ACTR1A: variants seen among roughly 807,000 people sequenced by gnomAD.
ACTR1A encodes the protein alpha-centractin.
Under a neutral mutation model 50.7 loss-of-function variants are expected in ACTR1A, and 10 were observed. That is an observed-to-expected ratio of 0.20 (90% CI 0.12 to 0.33). The LOEUF is 0.33. ACTR1A is among the 10% of genes least tolerant of loss of function. ACTR1A has a pLI of 1.00. For missense variants in ACTR1A, 253 were observed against 491.7 expected (o/e 0.51, Z 4.59); for synonymous variants, 177 against 184.2 (o/e 0.96, Z 0.32).
intron 6 of ACTR1A, 84 bp from the exon 7 acceptor site, chr10:102,483,187 C>T: frequency 2.9e-6 from 3 of 1,042,244 alleles, no homozygotes; most frequent in Non-Finnish European, 4.5e-6. Context: ...TGTGCTGCTG[C>T]ACAAACCTGT....
intron 2 of ACTR1A, among the ~76,000 whole-genome samples, chr10:102,489,839 A>G (rs2062183836): frequency 6.6e-6 from 1 of 150,418 alleles, no homozygotes; most frequent in African/African-American, 2.5e-5. Context: ...CTGTGATGCT[A>G]TAGATCGGAC....
rs1168411503 is a variant in ACTR1A, at chr10:102,502,110, G to A, written c.48+490C>T. Among the ~76,000 whole-genome samples the A allele has an allele frequency of 2.0e-5, 3 of 152,304 alleles. No homozygotes were observed. In the East Asian group the frequency reaches 5.8e-4, roughly 29 times the overall value. On this transcript the variant is annotated intron_variant, in intron 1 of 10. Transcript: ENST00000369905. ...GGCCCCACCACCCAGAGTCCCGGAA[G>A]CCAATCCCCACAGCCCTGGAGCACT...
chr10:102,485,690 T>C lies in ACTR1A; in HGVS notation c.359A>G (p.Asn120Ser). 6.2e-7 allele frequency: 1 copy of C among 1,613,982 alleles called. No individual in the cohort carries two copies. Among genetic ancestry groups the C allele is most frequent in the East Asian group, 2.2e-5 (1 of 44,884 alleles). ...GAAAACTTCGGCAGCTCGTTCCCGG[T>C]TTTTTCGTGGGTTTAAAGGCGCCTC... ...LTEAPLNPRK[N>S]RERAAEVFFE... is the part of the protein sequence containing the mutation. The change falls in exon 5 of 11, where the codon AAC becomes AGC. Residue 120 changes from asparagine (N) to serine (S), a missense_variant. Coordinates refer to ENST00000369905, the MANE Select transcript of ACTR1A (RefSeq NM_005736.4).
At chr10:102,501,642 G>C (rs1466564910) in intron 1 of ACTR1A, among the ~76,000 whole-genome samples, 7 of 152,230 alleles carry the variant, frequency 4.6e-5, no homozygotes. Context: ...GACGGATAAA[G>C]TACTGGATTT....
rs968687001 is a variant in ACTR1A at position 102,497,171 on chromosome 10, GAAAAAAAAAAAA to G, written c.48+5417_48+5428del. ...GGCCACACAGCAGACTCCATCTCAG[GAAAAAAAAAAAA>G]AAAAAAAAAAGAATGTGGGAGAGGG... On this transcript the variant is annotated intron_variant, in intron 1 of 10. Coordinates refer to ENST00000369905, the MANE Select transcript of ACTR1A (RefSeq NM_005736.4). Among the ~76,000 whole-genome samples the G allele has an allele frequency of 5.7e-5, 4 of 69,774 alleles. No individual in the cohort carries two copies. The East Asian group carries it at 1.6e-3, about 28-fold the overall frequency. 45.8% of individuals were successfully genotyped at this position (69,774 alleles called of 152,430 possible). A position where few individuals can be genotyped will look rare whatever the true frequency, so the allele number is the denominator to read the frequency against.
chr10:102,498,682 A>G (rs2062233717), intron 1 of ACTR1A, among the ~76,000 whole-genome samples: 1 of 151,404 alleles, frequency 6.6e-6, no homozygotes, highest in African/African-American at 2.4e-5. Context: ...TATGTTGCCC[A>G]GGCTGGTCTC....
intron 1 of ACTR1A, among the ~76,000 whole-genome samples, chr10:102,491,417 G>T (rs1044867336): frequency 2.6e-5 from 4 of 152,188 alleles, no homozygotes; most frequent in Non-Finnish European, 5.9e-5. Context: ...GCTTGAAATG[G>T]ACTCCCATGG....
At chr10:102,483,435 C>T (rs1429484667) in intron 6 of ACTR1A, 2 of 231,660 alleles carry the variant, frequency 8.6e-6, no homozygotes, top group Non-Finnish European at 1.7e-5. Context: ...CTGGTCCTAC[C>T]CAGCTCGAGT....
intron 9 of ACTR1A, 26 bp downstream of exon 9, chr10:102,481,811 C>T: frequency 1.2e-6 from 2 of 1,611,538 alleles, no homozygotes; most frequent in South Asian, 2.2e-5. Context: ...TAGTTCCACC[C>T]AGGCCAGGCC....
At chr10:102,494,803 AATTTT>A (rs2062212384) in intron 1 of ACTR1A, among the ~76,000 whole-genome samples, 1 of 151,754 alleles carries the variant, frequency 6.6e-6, no homozygotes, top group African/African-American at 2.4e-5. Flanking sequence ...ACAAAATATT[AATTTT>A]AATTTTAATT....
chr10:102,481,788 G>C, intron 9 of ACTR1A, 49 bp downstream of exon 9: 1 of 1,603,456 alleles, frequency 6.2e-7, no homozygotes, highest in Non-Finnish European at 8.5e-7. Flanking sequence ...GTGGCACTCT[G>C]TCCATGGAAG....
At position 102,488,424 on chromosome 10, in the gene ACTR1A, T is replaced by C; in HGVS notation, c.190-149A>G. On this transcript the variant is annotated intron_variant, in intron 3 of 10. Coordinates refer to ENST00000369905, the MANE Select transcript of ACTR1A (RefSeq NM_005736.4). This position sits in a 1 kb window ranked among gnomAD's most constrained non-coding sequence, Gnocchi z 4.4. ...TGCTGTCCTTGCCCAGGGCTAAGGG[T>C]GGGCACTCATTCTCCAAGGCTAAAT... The C allele has an allele frequency of 8.8e-7, 1 of 1,142,376 alleles. No homozygotes were observed. The highest frequency in any genetic ancestry group is 1.2e-6 in the Non-Finnish European group (1 of 810,886). The allele number at this position is 1,142,376 out of a possible 1,614,324, so 70.8% of individuals were successfully genotyped here.
At chr10:102,489,844 T>TCGGACAGATAGCCTCTTCCTTTCC (rs2062183876) in intron 2 of ACTR1A, among the ~76,000 whole-genome samples, 1 of 148,142 alleles carries the variant, frequency 6.8e-6, no homozygotes, top group African/African-American at 2.5e-5. Context: ...ATGCTATAGA[T>TCGGACAGATAGCCTCTTCCTTTCC]CGGACAGATA....
In ACTR1A at chr10:102,489,120, G is replaced by A. The variant is rs201926941; in HGVS notation, c.132C>T (p.His44=). ...CAAGGGCTCCTGCCATGACACGAAC[G>A]TGCTTGGGTCGGCCCACACTAGAAA... The part of the protein sequence containing the change: ...CFPNYVGRPK[H]VRVMAGALEG... The change falls in exon 3 of 11, where the codon CAC becomes CAT. Residue 44 remains histidine, a synonymous_variant. Coordinates refer to ENST00000369905, the MANE Select transcript of ACTR1A (RefSeq NM_005736.4). The A allele has an allele frequency of 9.8e-5, 155 of 1,586,924 alleles. 1 individual carries two copies. In the African/African-American group the frequency reaches 1.4e-3, roughly 14 times the overall value.
intron 6 of ACTR1A, 83 bp from the exon 7 acceptor site, chr10:102,483,186 G>T: frequency 9.6e-7 from 1 of 1,041,658 alleles, no homozygotes; most frequent in Non-Finnish European, 1.5e-6. Context: ...ATGTGCTGCT[G>T]CACAAACCTG....
Position 102,479,793 on chromosome 10 carries a change from G to A in ACTR1A, c.*1070C>T, listed in dbSNP as rs891537159. On this transcript the variant is annotated 3_prime_UTR_variant, in exon 11 of 11. Coordinates refer to ENST00000369905, the MANE Select transcript of ACTR1A (RefSeq NM_005736.4). This position sits in a 1 kb window ranked among gnomAD's most constrained non-coding sequence, Gnocchi z 4.0. ...TCCAACACCCCTCCCTTGCTTAGGG[G>A]CCTCTGCCAAAGAAAAATTTTACCT... 9 of 774,832 alleles carry A rather than the reference G, an allele frequency of 1.2e-5. No homozygotes were observed. The highest frequency in any genetic ancestry group is 1.8e-6 in the Non-Finnish European group (1 of 565,818). 48.0% of individuals were successfully genotyped at this position (774,832 alleles called of 1,614,324 possible).
chr10:102,482,935 C>G lies in ACTR1A; in HGVS notation c.750+76G>C, dbSNP rs961179004. 8.0e-7 allele frequency: 1 copy of G among 1,242,396 alleles called. No homozygotes were observed. Among genetic ancestry groups the G allele is most frequent in the South Asian group, 1.2e-5 (1 of 83,224 alleles). The allele number at this position is 1,242,396 out of a possible 1,614,324, so 77.0% of individuals were successfully genotyped here. ...GGGACTGGCCTGCCAGACTCCAGAC[C>G]CTGATGGAGAATTCTGGTTGGGCCC... is the stretch of plus-strand genomic sequence containing the variant. On this transcript the variant is annotated intron_variant, in intron 7 of 10. Transcript: ENST00000369905. This position sits in a 1 kb window ranked among gnomAD's most constrained non-coding sequence, Gnocchi z 5.6.
In ACTR1A at chr10:102,483,056, C is replaced by T. The variant is rs751639161; in HGVS notation, c.705G>A (p.Glu235=). The change falls in exon 7 of 11, where the codon GAG becomes GAA. Residue 235 remains glutamate (E), a synonymous_variant. Coordinates refer to ENST00000369905, the MANE Select transcript of ACTR1A (RefSeq NM_005736.4). ...SINPQKDETL[E]TEKAQYYLPD... ...GCAGGTAGTACTGAGCTTTCTCTGT[C>T]TCTAGCGTCTCATCCTTTTGGGGGT... is the stretch of plus-strand genomic sequence containing the variant. The T allele has an allele frequency of 5.6e-6, 9 of 1,614,140 alleles. No homozygotes were observed. Among genetic ancestry groups the T allele is most frequent in the Non-Finnish European group, 7.6e-6 (9 of 1,180,050 alleles).
chr10:102,483,014 A>G lies in ACTR1A; in HGVS notation c.747T>C (p.Ile249=), dbSNP rs2062151404. 1 of 1,613,750 alleles carries G rather than the reference A, an allele frequency of 6.2e-7. No homozygotes were observed. ...AGAAAGAAGGCAGGCCACCTACCTC[A>G]ATGGTGCTGCCATCAGGCAGGTAGT... ...AQYYLPDGST[I]EIGPSRFRAP... Residue 249 remains isoleucine (I), a synonymous_variant, in exon 7 of 11, where the codon ATT becomes ATC. Coordinates refer to ENST00000369905, the MANE Select transcript of ACTR1A (RefSeq NM_005736.4).
Sources: allele counts gnomAD v4.1 joint callset (sites outside exome capture counted in the v4.1 genomes callset), GRCh38; gene constraint gnomAD v4.1.1; non-coding constraint Gnocchi (gnomAD v3.1); transcripts MANE v1.5; gene names NCBI Gene and HGNC (gene_info 2026-07-23, HGNC 2026-07-21).